The following PALLD variants were observed in gnomAD, a reference collection of about 807,000 sequenced individuals.
The protein encoded by PALLD is palladin, cytoskeletal associated protein, also known as palladin.
Under a neutral mutation model 123.5 loss-of-function variants are expected in PALLD, and 61 were observed. The observed-to-expected ratio is 0.49, with a 90% CI of 0.40 to 0.61. PALLD has a LOEUF of 0.61. Among genes scored for constraint, PALLD ranks in the 20% least tolerant of loss-of-function variants. PALLD has a pLI of 0.00. For missense variants in PALLD, 1,273 were observed against 1,377.0 expected, an observed-to-expected ratio of 0.92 and a Z score of 1.20; for synonymous variants, 465 against 496.4, an observed-to-expected ratio of 0.94 and a Z score of 0.84.
chr4:168,581,445 A>T (rs1222808065), intron 2 of PALLD, among the ~76,000 whole-genome samples: 2 of 152,050 alleles, frequency 1.3e-5, no homozygotes, highest in Admixed American at 1.3e-4. Context: ...TAGCCATTCT[A>T]ACAGGTGTGA....
intron 10 of PALLD, among the ~76,000 whole-genome samples, chr4:168,799,170 TG>T (rs1738947211): frequency 6.6e-6 from 1 of 152,214 alleles, no homozygotes; most frequent in Non-Finnish European, 1.5e-5. Context: ...AGTGTGTGAG[TG>T]GTTGAGGTAT....
At chr4:168,715,652 A>G (rs560519462) in intron 10 of PALLD, among the ~76,000 whole-genome samples, 2 of 152,160 alleles carry the variant, frequency 1.3e-5, no homozygotes, top group South Asian at 4.1e-4. Context: ...TATTCCTACC[A>G]AAAAAACGGT....
chr4:168,843,384 G>A (rs1746330780), intron 10 of PALLD, among the ~76,000 whole-genome samples: 1 of 151,770 alleles, frequency 6.6e-6, no homozygotes, highest in Non-Finnish European at 1.5e-5. Context: ...TCCTTAAAAG[G>A]AGTATTTTAA....
At chr4:168,920,964 A>G (rs1761361792) in intron 17 of PALLD, among the ~76,000 whole-genome samples, 1 of 152,172 alleles carries the variant, frequency 6.6e-6, no homozygotes, top group Non-Finnish European at 1.5e-5. Context: ...TGGGCAAGGT[A>G]AGACCATGAC....
intron 8 of PALLD, among the ~76,000 whole-genome samples, chr4:168,704,037 A>G (rs932964710): frequency 2.6e-5 from 4 of 152,136 alleles, no homozygotes; most frequent in Non-Finnish European, 4.4e-5. Flanking sequence ...AAACAGATAT[A>G]TGGATCAATG....
intron 10 of PALLD, among the ~76,000 whole-genome samples, chr4:168,745,958 T>G (rs1581247032): frequency 2.0e-5 from 3 of 152,162 alleles, no homozygotes; most frequent in African/African-American, 7.2e-5. Context: ...TCAAGAATGT[T>G]GAGTCTGACC....
intron 10 of PALLD, among the ~76,000 whole-genome samples, chr4:168,871,741 A>T (rs995663258): frequency 6.6e-6 from 1 of 152,218 alleles, no homozygotes; most frequent in African/African-American, 2.4e-5. Flanking sequence ...TTCCTCCCCC[A>T]AAAAGAGGCT....
At chr4:168,721,214 A>G (rs1042330238) in intron 10 of PALLD, among the ~76,000 whole-genome samples, 5 of 152,284 alleles carry the variant, frequency 3.3e-5, no homozygotes, top group South Asian at 4.1e-4. Flanking sequence ...TCTTCATTTT[A>G]CCTAAGTGCG....
intron 2 of PALLD, among the ~76,000 whole-genome samples, chr4:168,553,201 A>G (rs1420114692): frequency 6.6e-6 from 1 of 151,398 alleles, no homozygotes; most frequent in South Asian, 2.1e-4. Context: ...TTGAAAACCT[A>G]TTCTTTACTG....
chr4:168,699,529 C>CAAAAA (rs5863954), intron 8 of PALLD, among the ~76,000 whole-genome samples: 1 of 107,224 alleles, frequency 9.3e-6, no homozygotes, highest in African/African-American at 3.3e-5. Flanking sequence ...GGACTTGGGA[C>CAAAAA]AAAAAAAAAA....
chr4:168,826,097 A>G (rs539606112), intron 10 of PALLD, among the ~76,000 whole-genome samples: 1 of 152,314 alleles, frequency 6.6e-6, no homozygotes, highest in East Asian at 1.9e-4. Flanking sequence ...TAAACAGGCA[A>G]ATTCTCACTA....
In PALLD at chr4:168,869,975, CA is replaced by C. The variant is rs1241495386; in HGVS notation, c.1965-20945del. 6.6e-6 allele frequency among the ~76,000 whole-genome samples: 1 copy of C among 152,162 alleles called. No individual in the cohort carries two copies. The highest frequency in any genetic ancestry group is 2.4e-5 in the African/African-American group (1 of 41,428). On this transcript the variant is annotated intron_variant, in intron 10 of 21. Transcript: ENST00000505667. The surrounding 1 kb of genome is among the most constrained non-coding windows in gnomAD (Gnocchi z 4.5). ...GAACAAGGAGAGTTGTTAGTGATGT[CA>C]AGGGAGAAGAGTGCTTCAAGAAAGA...
In PALLD at chr4:168,916,179, A is replaced by T. The variant is rs1253111635; in HGVS notation, c.2850+152A>T. ...TATAATCCCAGCACTTTAGAGTCCA[A>T]AGCCGGGCAGATCGCTTGATCCCAG... On this transcript the variant is annotated intron_variant, in intron 17 of 21. Transcript: ENST00000505667. 7.6e-6 allele frequency: 6 copies of T among 794,214 alleles called. No individual in the cohort carries two copies. In the Admixed American group the frequency reaches 1.1e-4, roughly 15 times the overall value. The allele number at this position is 794,214 out of a possible 1,614,324, so 49.2% of individuals were successfully genotyped here.
intron 11 of PALLD, 121 bp downstream of exon 11, chr4:168,891,178 T>A (rs1460485648): frequency 4.7e-6 from 5 of 1,053,428 alleles, no homozygotes; most frequent in Middle Eastern, 2.0e-4. Context: ...TATTATTATT[T>A]TTGAGACAGG....
intron 10 of PALLD, among the ~76,000 whole-genome samples, chr4:168,831,522 A>G (rs1438359897): frequency 6.6e-6 from 1 of 152,222 alleles, no homozygotes; most frequent in Non-Finnish European, 1.5e-5. Context: ...AATATACTGC[A>G]TGATGATTTG....
At chr4:168,606,223 ATTGTTG>A in intron 2 of PALLD, among the ~76,000 whole-genome samples, 1 of 152,070 alleles carries the variant, frequency 6.6e-6, no homozygotes, top group Middle Eastern at 3.4e-3. Flanking sequence ...TGGACACTTT[ATTGTTG>A]TTGTTGTTGT....
intron 3 of PALLD, among the ~76,000 whole-genome samples, chr4:168,670,775 C>CAAAAAAAAAAAAAAAAAAA (rs112589264): frequency 8.0e-5 from 8 of 100,184 alleles, no homozygotes; most frequent in South Asian, 3.1e-4. Flanking sequence ...CAAAAAAAAA[C>CAAAAAAAAAAAAAAAAAAA]AAAAAAAAAA....
chr4:168,871,404 ATC>A lies in PALLD; in HGVS notation c.1965-19516_1965-19515del, dbSNP rs1012051629. ...ACTTAAGACCTTAAAGTTTCTCAAC[ATC>A]TGTCTCACAGGGAGCTTTTCCTTGG... is the stretch of plus-strand genomic sequence containing the variant. On this transcript the variant is annotated intron_variant, in intron 10 of 21. Coordinates refer to ENST00000505667, the MANE Select transcript of PALLD (RefSeq NM_001166108.2). Among the ~76,000 whole-genome samples the A allele has an allele frequency of 2.1e-4, 32 of 152,236 alleles. No individual in the cohort carries two copies. In the East Asian group the frequency reaches 4.3e-3, roughly 20 times the overall value.
chr4:168,703,749 T>C (rs1294214605), intron 8 of PALLD, among the ~76,000 whole-genome samples: 1 of 144,460 alleles, frequency 6.9e-6, no homozygotes, highest in African/African-American at 2.7e-5. Context: ...CACTTTTTGA[T>C]GGGGTTGTTT....
Sources: gnomAD v4.1 joint callset for allele counts (sites outside exome capture counted in the v4.1 genomes callset) on GRCh38, gnomAD v4.1.1 for gene constraint, Gnocchi (gnomAD v3.1) non-coding constraint, MANE v1.5 for transcripts, NCBI Gene and HGNC (gene_info 2026-07-23, HGNC 2026-07-21) for gene names.